The following PEX11G variants were observed in gnomAD, a reference collection of about 807,000 sequenced individuals.
PEX11G encodes peroxisomal biogenesis factor 11 gamma.
A neutral mutation model predicts 22.5 loss-of-function variants in PEX11G; 20 were observed. The observed-to-expected ratio is 0.89, with a 90% CI of 0.62 to 1.29. The LOEUF is 1.29. PEX11G is among the 50% of genes most tolerant of loss of function. The pLI is 0.00. For missense variants in PEX11G, 347 were observed against 331.3 expected (o/e 1.05, Z -0.37); for synonymous variants, 141 against 154.5 (o/e 0.91, Z 0.65).
chr19:7,480,242 T>A (rs1977426524), intron 3 of PEX11G, among the ~76,000 whole-genome samples: 1 of 140,644 alleles, frequency 7.1e-6, no homozygotes. Context: ...CTTTTCAGCC[T>A]GTCTCAAAAA....
intron 3 of PEX11G, among the ~76,000 whole-genome samples, chr19:7,478,794 T>C (rs1977356504): frequency 6.6e-6 from 1 of 152,188 alleles, no homozygotes; most frequent in Non-Finnish European, 1.5e-5. Context: ...CTGCTCTGTG[T>C]GGAAAGGTCC....
upstream of PEX11G, among the ~76,000 whole-genome samples, chr19:7,489,730 GTTC>G (rs913632183): frequency 6.6e-6 from 1 of 152,094 alleles, no homozygotes; most frequent in African/African-American, 2.4e-5. Context: ...AAAGCTCTCT[GTTC>G]TTCCCTGATT....
At chr19:7,492,496 T>C (rs912622279), upstream of PEX11G, among the ~76,000 whole-genome samples, 1 of 151,914 alleles carries the variant, frequency 6.6e-6, no homozygotes, top group African/African-American at 2.4e-5. Flanking sequence ...TAGGCTGGAG[T>C]GCAGTGCTGA....
At chr19:7,482,006 T>C in intron 3 of PEX11G, 27 bp downstream of exon 3, 1 of 1,535,408 alleles carries the variant, frequency 6.5e-7, no homozygotes. Context: ...GGACCTTGGG[T>C]GCTCCCTTCT....
chr19:7,488,489 T>G (rs921867033), intron 1 of PEX11G, among the ~76,000 whole-genome samples: 2 of 152,186 alleles, frequency 1.3e-5, no homozygotes, highest in Non-Finnish European at 2.9e-5. Flanking sequence ...CAGGTTGGGT[T>G]GGCAGAAACT....
chr19:7,486,122 G>C, intron 1 of PEX11G, 96 bp from the exon 2 acceptor site: 1 of 1,064,442 alleles, frequency 9.4e-7, no homozygotes, highest in Non-Finnish European at 1.3e-6. Context: ...TGGATTGAGA[G>C]TGTGGAAGAT....
chr19:7,489,094 C>G (rs1258717216), upstream of PEX11G: 3 of 1,371,356 alleles, frequency 2.2e-6, no homozygotes, highest in Non-Finnish European at 2.8e-6. Context: ...GCCCCAAAGG[C>G]TTGCGCGCAG....
At chr19:7,478,743 C>T (rs890476546) in intron 3 of PEX11G, among the ~76,000 whole-genome samples, 7 of 152,232 alleles carry the variant, frequency 4.6e-5, no homozygotes, top group Non-Finnish European at 8.8e-5. Context: ...GTTGGACAGG[C>T]GTGGGGACGC....
At chr19:7,486,195 C>T (rs1406125773) in intron 1 of PEX11G, among the ~76,000 whole-genome samples, 169 bp from the exon 2 acceptor site, 1 of 152,134 alleles carries the variant, frequency 6.6e-6, no homozygotes, top group African/African-American at 2.4e-5. Context: ...GGCACGATCT[C>T]GGCTCACCGC....
chr19:7,483,070 T>TC (rs1977575760), intron 2 of PEX11G, among the ~76,000 whole-genome samples: 2 of 150,000 alleles, frequency 1.3e-5, no homozygotes, highest in African/African-American at 5.0e-5. Context: ...CCCGCCCCCT[T>TC]GGGACCCCAC....
Position 7,477,059 on chromosome 19 carries a change from G to C in PEX11G, c.*143C>G. ...TCCAGGCTGAGGCCTGGGGGACCTC[G>C]CATCAGTCCCTCCACCCACCCTGCC... is the stretch of plus-strand genomic sequence containing the variant. On this transcript the variant is annotated 3_prime_UTR_variant, in exon 5 of 5. Coordinates refer to ENST00000221480, the MANE Select transcript of PEX11G (RefSeq NM_080662.4). The C allele has an allele frequency of 1.4e-6, 1 of 696,408 alleles. No individual in the cohort carries two copies. Among genetic ancestry groups the C allele is most frequent in the South Asian group, 3.5e-5 (1 of 28,448 alleles). 43.1% of individuals were successfully genotyped at this position (696,408 alleles called of 1,614,324 possible).
chr19:7,487,894 T>C (rs1015728840), intron 1 of PEX11G, among the ~76,000 whole-genome samples: 1 of 152,176 alleles, frequency 6.6e-6, no homozygotes, highest in Non-Finnish European at 1.5e-5. Context: ...GATATTTGAA[T>C]GGAATCTAAA....
At chr19:7,487,814 T>C (rs2021730033) in intron 1 of PEX11G, among the ~76,000 whole-genome samples, 1 of 152,184 alleles carries the variant, frequency 6.6e-6, no homozygotes, top group South Asian at 2.1e-4. Flanking sequence ...AGCCCCATTA[T>C]AATGGCAAAA....
upstream of PEX11G, chr19:7,489,148 C>T (rs2021813565): frequency 8.3e-6 from 10 of 1,201,820 alleles, no homozygotes; most frequent in Non-Finnish European, 1.1e-5. Context: ...TTTTTGTCCG[C>T]TGTAGGGGAG....
intron 1 of PEX11G, among the ~76,000 whole-genome samples, chr19:7,488,136 G>A (rs1384660987): frequency 1.3e-5 from 2 of 152,192 alleles, no homozygotes; most frequent in African/African-American, 4.8e-5. Context: ...ACAGTGGCCC[G>A]GTCAGATCCT....
intron 3 of PEX11G, among the ~76,000 whole-genome samples, chr19:7,481,036 C>T (rs761306244): frequency 7.9e-5 from 12 of 152,182 alleles, no homozygotes; most frequent in East Asian, 1.9e-4. Flanking sequence ...CTCAGGGACC[C>T]GGGTAAAGGC....
At chr19:7,485,442 A>G (rs1017016701) in intron 2 of PEX11G, among the ~76,000 whole-genome samples, 28 of 151,096 alleles carry the variant, frequency 1.9e-4, no homozygotes, top group Middle Eastern at 3.4e-3. Flanking sequence ...TGCAAGCTCC[A>G]CCTCCCGGGT....
Position 7,486,012 on chromosome 19 carries a change from C to G in PEX11G, c.75G>C (p.Gly25=), listed in dbSNP as rs200923010. Residue 25 remains glycine (G), a synonymous_variant, in exon 2 of 5, where the codon GGG becomes GGC. Transcript: ENST00000221480. ...RGRDRLIRVL[G]YCCQLVGGVL... Reference sequence around the variant, plus strand: ...CTCCACCAACCAGCTGGCAGCAGTACCCCAGCACTCGGATCTGTGGGAAAC... The same window carrying G: ...CTCCACCAACCAGCTGGCAGCAGTAGCCCAGCACTCGGATCTGTGGGAAAC... 126 of 1,591,914 alleles carry G rather than the reference C, an allele frequency of 7.9e-5. No individual in the cohort carries two copies. The Admixed American group carries it at 2.1e-3, about 26-fold the overall frequency.
chr19:7,486,606 A>T (rs76813745), intron 1 of PEX11G, among the ~76,000 whole-genome samples: 2,728 of 148,530 alleles, frequency 0.018, 84 homozygotes, highest in African/African-American at 0.064. Context: ...TACCAAAAAA[A>T]TTTTTTTTTT....
Sources: allele counts gnomAD v4.1 joint callset (sites outside exome capture counted in the v4.1 genomes callset), GRCh38; gene constraint gnomAD v4.1.1; transcripts MANE v1.5; gene names NCBI Gene and HGNC (gene_info 2026-07-23, HGNC 2026-07-21).